SEPTIN7: variants seen among roughly 807,000 people sequenced by gnomAD.
The protein encoded by SEPTIN7 is septin 7.
Under a neutral mutation model 63.3 loss-of-function variants are expected in SEPTIN7, and 10 were observed. The ratio of observed to expected loss-of-function variants is 0.16; its 90% CI spans 0.10 to 0.27. The LOEUF (loss-of-function observed/expected upper bound fraction) is 0.27, where lower values mean the gene tolerates loss of function less well. Ranked by LOEUF, SEPTIN7 falls within the 10% of genes least tolerant of loss-of-function variation. The probability of loss-of-function intolerance (pLI) is 1.00; values close to 1 mark genes in which losing one functional copy is unlikely to be tolerated. For synonymous variants in SEPTIN7, 131 were observed against 165.3 expected, an observed-to-expected ratio of 0.79 and a Z score of 1.59; for missense variants, 310 against 521.0, an observed-to-expected ratio of 0.59 and a Z score of 3.94.
At chr7:35,904,179 A>C in intron 13 of SEPTIN7, 75 bp from the exon 14 acceptor site, 1 of 1,075,660 alleles carries the variant, frequency 9.3e-7, no homozygotes, top group East Asian at 2.8e-5. Context: ...TAATTGGGTT[A>C]GCTGTTGTTA....
At chr7:35,817,946 A>G (rs1232063398) in intron 1 of SEPTIN7, among the ~76,000 whole-genome samples, 2 of 151,856 alleles carry the variant, frequency 1.3e-5, no homozygotes, top group African/African-American at 2.4e-5. Flanking sequence ...ATCGCCTGCA[A>G]ATACTACTTA....
chr7:35,831,368 G>T, intron 1 of SEPTIN7, 124 bp from the exon 2 acceptor site: 1 of 263,300 alleles, frequency 3.8e-6, no homozygotes, highest in South Asian at 3.6e-5. Context: ...CAATGGATTT[G>T]CCTCTCCTGT....
chr7:35,815,739 C>G (rs955014921), intron 1 of SEPTIN7, among the ~76,000 whole-genome samples: 1 of 152,006 alleles, frequency 6.6e-6, no homozygotes, highest in Non-Finnish European at 1.5e-5. Flanking sequence ...TGTTCCACCC[C>G]CTTCAGTGTC....
chr7:35,839,673 T>G (rs957853025), intron 3 of SEPTIN7, among the ~76,000 whole-genome samples: 3 of 152,140 alleles, frequency 2.0e-5, no homozygotes, highest in Non-Finnish European at 4.4e-5. Context: ...TGCCTCAGCC[T>G]CCCCAGTAGC....
chr7:35,872,254 A>G (rs573833659), intron 4 of SEPTIN7, among the ~76,000 whole-genome samples: 1 of 152,156 alleles, frequency 6.6e-6, no homozygotes, highest in Non-Finnish European at 1.5e-5. Context: ...GGTAGATTAG[A>G]TGTTCTTCTC....
intron 1 of SEPTIN7, among the ~76,000 whole-genome samples, chr7:35,818,314 G>A (rs1789208942): frequency 6.6e-6 from 1 of 151,962 alleles, no homozygotes; most frequent in Non-Finnish European, 1.5e-5. Context: ...TATTCATTCT[G>A]GGATATATCC....
chr7:35,830,986 T>G (rs1380633919), intron 1 of SEPTIN7, among the ~76,000 whole-genome samples: 1 of 152,220 alleles, frequency 6.6e-6, no homozygotes, highest in Non-Finnish European at 1.5e-5. Context: ...CCAAAACATT[T>G]GCATTTGTCT....
At chr7:35,859,163 T>A (rs1785370979) in intron 3 of SEPTIN7, among the ~76,000 whole-genome samples, 2 of 152,160 alleles carry the variant, frequency 1.3e-5, no homozygotes, top group Non-Finnish European at 2.9e-5. Flanking sequence ...TTCTCAGCAC[T>A]GCTTTTTCTG....
chr7:35,809,529 C>T (rs563381550), intron 1 of SEPTIN7, among the ~76,000 whole-genome samples: 18 of 152,276 alleles, frequency 1.2e-4, no homozygotes, highest in Non-Finnish European at 2.4e-4. Flanking sequence ...AACTGGCTTG[C>T]ATTTAGTAAA....
intron 11 of SEPTIN7, among the ~76,000 whole-genome samples, chr7:35,892,809 G>A (rs1407790473): frequency 6.6e-6 from 1 of 152,108 alleles, no homozygotes; most frequent in African/African-American, 2.4e-5. Context: ...CTCTTAAAGA[G>A]AGGAATCATG....
At chr7:35,818,081 A>G (rs1174461925) in intron 1 of SEPTIN7, among the ~76,000 whole-genome samples, 3 of 151,996 alleles carry the variant, frequency 2.0e-5, no homozygotes, top group African/African-American at 7.2e-5. Context: ...TTGATTTTAG[A>G]GTGAAAGCAT....
At chr7:35,857,500 C>T (rs761201358) in intron 3 of SEPTIN7, among the ~76,000 whole-genome samples, 3 of 152,070 alleles carry the variant, frequency 2.0e-5, no homozygotes, top group Non-Finnish European at 4.4e-5. Flanking sequence ...TACAAAACAG[C>T]TTGGTTTTAA....
intron 3 of SEPTIN7, among the ~76,000 whole-genome samples, chr7:35,852,673 A>C (rs550001734): frequency 6.6e-6 from 1 of 152,300 alleles, no homozygotes; most frequent in African/African-American, 2.4e-5. Flanking sequence ...GACTTTGCTT[A>C]TGGGAAATAA....
rs1583560280 is a variant in SEPTIN7 at position 35,849,446 on chromosome 7, C to T, written c.170-14106C>T. Among the ~76,000 whole-genome samples the T allele has an allele frequency of 2.6e-5, 4 of 152,120 alleles. No individual in the cohort carries two copies. The East Asian group carries it at 5.8e-4, about 22-fold the overall frequency. ...GCATTCCTTTGAGAATCTGATGCTG[C>T]CGCTGGTCTGACAGGAGGCGGAGCT... On this transcript the variant is annotated intron_variant, in intron 3 of 13. Coordinates refer to ENST00000350320, the MANE Select transcript of SEPTIN7 (RefSeq NM_001788.6).
intron 1 of SEPTIN7, among the ~76,000 whole-genome samples, chr7:35,807,351 ATTTTTTTTTTTTTT>A (rs70974769): frequency 4.5e-5 from 1 of 22,188 alleles, no homozygotes; most frequent in African/African-American, 2.3e-4. Flanking sequence ...GCCCGGCTGA[ATTTTTTTTTTTTTT>A]TTTTTTTTTT....
At chr7:35,880,268 C>G (rs1786796121) in intron 7 of SEPTIN7, among the ~76,000 whole-genome samples, 1 of 119,634 alleles carries the variant, frequency 8.4e-6, no homozygotes, top group South Asian at 2.6e-4. Flanking sequence ...GAATGAATTC[C>G]CAGGAAGTGG....
rs1788621083 is a variant in SEPTIN7, at chr7:35,906,693, A to T, written c.*2400A>T. 1 of 152,242 alleles carries T rather than the reference A, an allele frequency of 6.6e-6. No individual in the cohort carries two copies. Among genetic ancestry groups the T allele is most frequent in the South Asian group, 2.1e-4 (1 of 4,830 alleles). 9.4% of individuals were successfully genotyped at this position (152,242 alleles called of 1,614,324 possible). The stretch of plus-strand genomic sequence containing the variant: ...GTTCACAAGCAAGTTAAGTGGGCAC[A>T]GTTTATTTCTGTGTAGCTCAGGCTG... On this transcript the variant is annotated 3_prime_UTR_variant, in exon 14 of 14. Transcript: ENST00000350320.
chr7:35,801,910 G>A (rs1323100622), intron 1 of SEPTIN7, among the ~76,000 whole-genome samples: 4 of 152,188 alleles, frequency 2.6e-5, no homozygotes, highest in African/African-American at 9.6e-5. Flanking sequence ...GCCTCTCGGG[G>A]TTGCCTCTCT....
chr7:35,801,919 C>T (rs1788015684), intron 1 of SEPTIN7, among the ~76,000 whole-genome samples: 1 of 152,314 alleles, frequency 6.6e-6, no homozygotes, highest in South Asian at 2.1e-4. Context: ...GGTTGCCTCT[C>T]TCCAGGCGCA....
Sources: allele counts gnomAD v4.1 joint callset (sites outside exome capture counted in the v4.1 genomes callset), GRCh38; gene constraint gnomAD v4.1.1; transcripts MANE v1.5; gene names NCBI Gene and HGNC (gene_info 2026-07-23, HGNC 2026-07-21).